Variants in RASA1 observed in about 807,000 individuals in gnomAD.
The protein encoded by RASA1 is ras GTPase-activating protein 1.
RASA1 carries 25 observed loss-of-function variants against 132.2 expected under a neutral mutation model. The observed-to-expected ratio is 0.19, with a 90% CI of 0.14 to 0.26. The LOEUF (loss-of-function observed/expected upper bound fraction) is 0.26, where lower values mean the gene tolerates loss of function less well. RASA1 is among the 10% of genes least tolerant of loss of function. The pLI is 1.00. For missense variants in RASA1, 964 were observed against 1,299.2 expected, an observed-to-expected ratio of 0.74 and a Z score of 3.97; for synonymous variants, 477 against 449.9, an observed-to-expected ratio of 1.06 and a Z score of -0.76.
At chr5:87,324,602 T>C (rs1757078979) in intron 1 of RASA1, among the ~76,000 whole-genome samples, 1 of 152,198 alleles carries the variant, frequency 6.6e-6, no homozygotes, top group Non-Finnish European at 1.5e-5. Context: ...ATTTCTGCCC[T>C]TACTTTGAAC....
chr5:87,329,317 C>T (rs1757448577), intron 1 of RASA1, among the ~76,000 whole-genome samples: 1 of 150,212 alleles, frequency 6.7e-6, no homozygotes. Context: ...TAGCATGTGT[C>T]TGCAGTCTCG....
intron 9 of RASA1, among the ~76,000 whole-genome samples, chr5:87,359,963 ACT>A (rs1759948773): frequency 2.0e-5 from 3 of 151,940 alleles, no homozygotes; most frequent in Non-Finnish European, 4.4e-5. Context: ...CATCTTGTAA[ACT>A]CTGATTCCAG....
At chr5:87,355,240 G>A (rs1759563010) in intron 9 of RASA1, among the ~76,000 whole-genome samples, 1 of 152,182 alleles carries the variant, frequency 6.6e-6, no homozygotes, top group Non-Finnish European at 1.5e-5. Context: ...CATGGCAAGA[G>A]TTAATGCTTG....
chr5:87,333,987 T>A (rs547758778), intron 4 of RASA1, among the ~76,000 whole-genome samples: 3 of 152,252 alleles, frequency 2.0e-5, no homozygotes, highest in South Asian at 2.1e-4. Flanking sequence ...TTTTAAAAAA[T>A]TTTTAGTGGG....
At chr5:87,329,193 C>G (rs1757439878) in intron 1 of RASA1, among the ~76,000 whole-genome samples, 1 of 151,766 alleles carries the variant, frequency 6.6e-6, no homozygotes, top group African/African-American at 2.4e-5. Context: ...ACCTGTAATC[C>G]TAGCACTTGG....
chr5:87,269,264 T>C (rs1466065215), intron 1 of RASA1: 3 of 1,538,260 alleles, frequency 2.0e-6, no homozygotes, highest in South Asian at 2.4e-5. Context: ...GAACCGGATA[T>C]AGTTCTGTCC....
chr5:87,325,594 A>G (rs887712294), intron 1 of RASA1, among the ~76,000 whole-genome samples: 1 of 152,182 alleles, frequency 6.6e-6, no homozygotes, highest in African/African-American at 2.4e-5. Context: ...TGGCAATTGG[A>G]TTTCTGCATG....
At chr5:87,353,113 A>T in intron 8 of RASA1, 44 bp from the exon 9 acceptor site, 1 of 1,461,884 alleles carries the variant, frequency 6.8e-7, no homozygotes, top group Non-Finnish European at 9.6e-7. Flanking sequence ...AAGATTTTGC[A>T]GTTTTATGAG....
At chr5:87,337,748 C>T (rs1758076931) in intron 4 of RASA1, among the ~76,000 whole-genome samples, 1 of 152,004 alleles carries the variant, frequency 6.6e-6, no homozygotes, top group Non-Finnish European at 1.5e-5. Flanking sequence ...ATACTACTAT[C>T]AAACCCATTT....
chr5:87,268,913 C>A lies in RASA1; in HGVS notation c.462C>A (p.Asp154Glu), dbSNP rs1432412625. Reference protein sequence around the residue: ...PPLGAGLGTVDEGDSLDGPEY... With the variant: ...PPLGAGLGTVEEGDSLDGPEY... Reference sequence around the variant, plus strand: ...TGGGGGCGGGCCTCGGGACAGTGGACGAAGGTGACTCTCTGGATGGACCAG... The same window carrying A: ...TGGGGGCGGGCCTCGGGACAGTGGAAGAAGGTGACTCTCTGGATGGACCAG... Residue 154 changes from aspartate to glutamate, a missense_variant, in exon 1 of 25, where the codon GAC becomes GAA. Coordinates refer to ENST00000274376, the MANE Select transcript of RASA1 (RefSeq NM_002890.3). 6.2e-7 allele frequency: 1 copy of A among 1,614,142 alleles called. No homozygotes were observed. The highest frequency in any genetic ancestry group is 8.5e-7 in the Non-Finnish European group (1 of 1,180,030).
chr5:87,287,829 AC>A (rs1382761100), intron 1 of RASA1, among the ~76,000 whole-genome samples: 2 of 128,624 alleles, frequency 1.6e-5, no homozygotes. Context: ...ATATACACAC[AC>A]CATATATATA....
rs1359893662 is a variant in RASA1, at chr5:87,391,792, TCTGA to T, written c.*912_*915del. 1.5e-4 allele frequency: 34 copies of T among 231,978 alleles called. No homozygotes were observed. Among genetic ancestry groups the T allele is most frequent in the African/African-American group, 6.2e-4 (28 of 45,370 alleles). 14.4% of individuals were successfully genotyped at this position (231,978 alleles called of 1,614,324 possible). ...TGCCTAACTTATCCATCTTTGAACT[TCTGA>T]CTACTTGTTGTATCTGCTGGATATT... is the stretch of plus-strand genomic sequence containing the variant. On this transcript the variant is annotated 3_prime_UTR_variant, in exon 25 of 25. Coordinates refer to ENST00000274376, the MANE Select transcript of RASA1 (RefSeq NM_002890.3).
At chr5:87,351,771 CCTAT>C (rs1209330800) in intron 8 of RASA1, among the ~76,000 whole-genome samples, 1 of 151,708 alleles carries the variant, frequency 6.6e-6, no homozygotes, top group Non-Finnish European at 1.5e-5. Flanking sequence ...TTGGTAAAAA[CCTAT>C]CTGATTGGTT....
At chr5:87,336,814 C>T (rs1359214136) in intron 4 of RASA1, among the ~76,000 whole-genome samples, 2 of 152,008 alleles carry the variant, frequency 1.3e-5, no homozygotes, top group Non-Finnish European at 2.9e-5. Context: ...GTAATGTCTG[C>T]TGCCATTCAG....
intron 1 of RASA1, among the ~76,000 whole-genome samples, chr5:87,290,468 G>T (rs1480122725): frequency 3.9e-5 from 6 of 152,134 alleles, no homozygotes; most frequent in African/African-American, 1.2e-4. Context: ...TTTGTTTCCA[G>T]TGGTGAACTT....
At chr5:87,319,953 A>T (rs975318900) in intron 1 of RASA1, among the ~76,000 whole-genome samples, 1 of 152,224 alleles carries the variant, frequency 6.6e-6, no homozygotes, top group African/African-American at 2.4e-5. Context: ...ACTTTTAGAA[A>T]AATACCAGGT....
intron 8 of RASA1, among the ~76,000 whole-genome samples, chr5:87,349,974 G>A (rs1448537399): frequency 1.3e-5 from 2 of 151,824 alleles, no homozygotes; most frequent in South Asian, 2.1e-4. Flanking sequence ...ATTTGTGAAC[G>A]TAAAGGTTTT....
intron 1 of RASA1, among the ~76,000 whole-genome samples, chr5:87,270,445 T>G (rs1240233234): frequency 6.7e-6 from 1 of 149,950 alleles, no homozygotes; most frequent in African/African-American, 2.4e-5. Flanking sequence ...CCTCCCGGGT[T>G]CAAGAGATTC....
intron 11 of RASA1, among the ~76,000 whole-genome samples, chr5:87,365,883 T>A (rs1280767457): frequency 6.6e-6 from 1 of 152,068 alleles, no homozygotes; most frequent in Non-Finnish European, 1.5e-5. Context: ...ATTATATATA[T>A]GTTTGTCTGT....
Sources: allele counts gnomAD v4.1 joint callset (sites outside exome capture counted in the v4.1 genomes callset), GRCh38; gene constraint gnomAD v4.1.1; transcripts MANE v1.5; gene names NCBI Gene and HGNC (gene_info 2026-07-23, HGNC 2026-07-21).